The following GPC5 variants were observed in gnomAD, a reference collection of about 807,000 sequenced individuals.
The protein encoded by GPC5 is glypican-5.
GPC5 carries 47 observed loss-of-function variants against 53.9 expected under a neutral mutation model. The observed-to-expected ratio is 0.87, with a 90% CI of 0.69 to 1.11. The LOEUF (loss-of-function observed/expected upper bound fraction) is 1.11. GPC5 is among the 50% of genes most tolerant of loss of function. The pLI, the probability that GPC5 is intolerant of heterozygous loss-of-function variation, is 0.00. For missense variants in GPC5, 748 were observed against 713.1 expected, an observed-to-expected ratio of 1.05 and a Z score of -0.56; for synonymous variants, 286 against 263.3, an observed-to-expected ratio of 1.09 and a Z score of -0.84.
intron 7 of GPC5, among the ~76,000 whole-genome samples, chr13:92,826,818 T>C (rs1252286349): frequency 6.6e-6 from 1 of 152,132 alleles, no homozygotes; most frequent in Non-Finnish European, 1.5e-5. Context: ...TTTGTCCTTA[T>C]TACTTTGAGT....
At chr13:92,570,746 G>C (rs572437762) in intron 7 of GPC5, among the ~76,000 whole-genome samples, 2 of 151,970 alleles carry the variant, frequency 1.3e-5, no homozygotes, top group East Asian at 3.9e-4. Flanking sequence ...AAAAGAAAGG[G>C]TGTCTGAATT....
At chr13:92,577,033 C>G (rs958839225) in intron 7 of GPC5, among the ~76,000 whole-genome samples, 4 of 152,096 alleles carry the variant, frequency 2.6e-5, no homozygotes, top group Non-Finnish European at 5.9e-5. Context: ...ACCATTTTAG[C>G]TAGCAAATTT....
intron 1 of GPC5, among the ~76,000 whole-genome samples, chr13:91,423,636 T>G (rs2138994054): frequency 6.6e-6 from 1 of 152,216 alleles, no homozygotes; most frequent in African/African-American, 2.4e-5. Flanking sequence ...ACGTTTCAGT[T>G]AGGAGGAATA....
chr13:92,747,546 G>A (rs557931730), intron 7 of GPC5, among the ~76,000 whole-genome samples: 35 of 152,248 alleles, frequency 2.3e-4, no homozygotes, highest in Middle Eastern at 3.4e-3. Context: ...CTCTCCTTTA[G>A]TAAATGAGTC....
At chr13:91,540,989 G>A (rs560988067) in intron 2 of GPC5, among the ~76,000 whole-genome samples, 1 of 152,022 alleles carries the variant, frequency 6.6e-6, no homozygotes, top group Non-Finnish European at 1.5e-5. Flanking sequence ...ATGAGTGAAG[G>A]TTCACATTAT....
chr13:91,593,491 T>C lies in GPC5; in HGVS notation c.326-99696T>C, dbSNP rs192345961. 1.6e-3 allele frequency among the ~76,000 whole-genome samples: 240 copies of C among 152,348 alleles called. 1 individual carries two copies. The highest frequency in any genetic ancestry group is 5.5e-3 in the African/African-American group (229 of 41,586). ...CTGGGCCTTTCTATATGAATTTTCC[T>C]TTTAGTAGAATTGTTTTTTCCCACT... On this transcript the variant is annotated intron_variant, in intron 2 of 7. Coordinates refer to ENST00000377067, the MANE Select transcript of GPC5 (RefSeq NM_004466.6).
intron 7 of GPC5, among the ~76,000 whole-genome samples, chr13:92,517,982 A>G (rs1014094424): frequency 6.6e-6 from 1 of 152,226 alleles, no homozygotes; most frequent in African/African-American, 2.4e-5. Context: ...AAGTCCTTAA[A>G]TGACCTGATG....
At chr13:91,929,406 A>G (rs1347971600) in intron 6 of GPC5, among the ~76,000 whole-genome samples, 1 of 151,970 alleles carries the variant, frequency 6.6e-6, no homozygotes, top group Non-Finnish European at 1.5e-5. Context: ...CTTCTTTTTG[A>G]GGTTTTCAAA....
chr13:91,763,292 G>A (rs2037453268), intron 5 of GPC5, among the ~76,000 whole-genome samples: 1 of 152,092 alleles, frequency 6.6e-6, no homozygotes, highest in African/African-American at 2.4e-5. Flanking sequence ...ACAACTTTAA[G>A]ACCATGTACA....
intron 3 of GPC5, among the ~76,000 whole-genome samples, chr13:91,711,758 A>G (rs954642006): frequency 2.6e-5 from 4 of 152,178 alleles, no homozygotes; most frequent in African/African-American, 9.6e-5. Flanking sequence ...TCTGAGGTAC[A>G]TTTCATTACT....
chr13:92,645,334 G>A (rs1467420915), intron 7 of GPC5, among the ~76,000 whole-genome samples: 7 of 152,040 alleles, frequency 4.6e-5, no homozygotes, highest in African/African-American at 9.7e-5. Flanking sequence ...CAGTAGAGAC[G>A]GGATTTCACT....
intron 5 of GPC5, among the ~76,000 whole-genome samples, chr13:91,763,644 A>C (rs1456291516): frequency 6.6e-6 from 1 of 152,212 alleles, no homozygotes; most frequent in Non-Finnish European, 1.5e-5. Flanking sequence ...GTTTGAAATC[A>C]ACAGAAAATA....
chr13:92,261,677 T>A (rs2139142228), intron 7 of GPC5, among the ~76,000 whole-genome samples: 1 of 152,236 alleles, frequency 6.6e-6, no homozygotes, highest in Admixed American at 6.5e-5. Context: ...TGCTTTCATA[T>A]TAAAAAGACA....
chr13:92,566,527 C>A (rs576755121), intron 7 of GPC5, among the ~76,000 whole-genome samples: 8 of 152,056 alleles, frequency 5.3e-5, no homozygotes, highest in Non-Finnish European at 7.4e-5. Context: ...AAGTATTGAT[C>A]GTGGCCCTTG....
intron 7 of GPC5, among the ~76,000 whole-genome samples, chr13:92,341,304 T>C (rs2043364567): frequency 6.6e-6 from 1 of 152,140 alleles, no homozygotes; most frequent in Admixed American, 6.6e-5. Flanking sequence ...ATTTAGTCAC[T>C]AGTTCCATCT....
At chr13:92,340,595 T>G (rs1224962398) in intron 7 of GPC5, 1 of 152,154 alleles carries the variant, frequency 6.6e-6, no homozygotes, top group East Asian at 1.9e-4. Flanking sequence ...TCAAGTACTT[T>G]AAGAATTTTT....
intron 7 of GPC5, among the ~76,000 whole-genome samples, chr13:92,159,794 G>A (rs2041973663): frequency 6.6e-6 from 1 of 151,456 alleles, no homozygotes; most frequent in Admixed American, 6.6e-5. Flanking sequence ...AGTAGAGACG[G>A]GGTTTCACTG....
intron 7 of GPC5, among the ~76,000 whole-genome samples, chr13:92,730,749 T>A (rs1325713069): frequency 6.6e-6 from 1 of 151,400 alleles, no homozygotes; most frequent in Non-Finnish European, 1.5e-5. Flanking sequence ...ACTGCAGATT[T>A]AAAGACTTCT....
intron 6 of GPC5, among the ~76,000 whole-genome samples, chr13:91,987,076 T>A (rs1459988581): frequency 6.6e-6 from 1 of 152,210 alleles, no homozygotes; most frequent in Non-Finnish European, 1.5e-5. Context: ...CAGGATGGCA[T>A]AAATGAACTG....
Sources: gnomAD v4.1 joint callset for allele counts (sites outside exome capture counted in the v4.1 genomes callset) on GRCh38, gnomAD v4.1.1 for gene constraint, MANE v1.5 for transcripts, NCBI Gene and HGNC (gene_info 2026-07-23, HGNC 2026-07-21) for gene names.